The following NR4A1 variants were observed in gnomAD, a reference collection of about 807,000 sequenced individuals.
The protein encoded by NR4A1 is nuclear receptor subfamily 4immunitygroup A member 1.
A neutral mutation model predicts 47.5 loss-of-function variants in NR4A1; 24 were observed. The ratio of observed to expected loss-of-function variants is 0.50; its 90% CI spans 0.37 to 0.71. The LOEUF (loss-of-function observed/expected upper bound fraction) is 0.71. Ranked by LOEUF, NR4A1 falls within the 30% of genes least tolerant of loss-of-function variation. The pLI is 0.00. For missense variants in NR4A1, 669 were observed against 788.6 expected (o/e 0.85, Z 1.82); for synonymous variants, 353 against 345.7 (o/e 1.02, Z -0.24).
chr12:52,025,123 AACCCCGGCTCACTGC>A (rs962747096), intron 1 of NR4A1, among the ~76,000 whole-genome samples: 3 of 148,960 alleles, frequency 2.0e-5, no homozygotes, highest in African/African-American at 7.5e-5. Flanking sequence ...GCAATGGCAC[AACCCCGGCTCACTGC>A]ACCCTCCGTC....
chr12:52,056,672 G>A, intron 4 of NR4A1, 27 bp downstream of exon 4: 2 of 1,546,668 alleles, frequency 1.3e-6, no homozygotes, highest in South Asian at 2.5e-5. Flanking sequence ...TGTCTGCCTT[G>A]GGGAGGTCTA....
At chr12:52,050,319 G>A (rs943049017), upstream of NR4A1, among the ~76,000 whole-genome samples, 1 of 152,182 alleles carries the variant, frequency 6.6e-6, no homozygotes, top group Admixed American at 6.5e-5. Flanking sequence ...TGGGAGGGCC[G>A]GTGCTCCCTG....
At chr12:52,043,296 G>T in intron 2 of NR4A1, 1 of 159,242 alleles carries the variant, frequency 6.3e-6, no homozygotes, top group Non-Finnish European at 1.4e-5. Context: ...CCCTCAACTC[G>T]GCCCCTACAT....
At chr12:52,046,677 C>T (rs949627969), upstream of NR4A1, among the ~76,000 whole-genome samples, 2 of 152,148 alleles carry the variant, frequency 1.3e-5, no homozygotes, top group African/African-American at 4.8e-5. Context: ...CTCATTCAGG[C>T]GTGGCTATTT....
At chr12:52,044,363 C>T (rs184721066) in intron 2 of NR4A1, among the ~76,000 whole-genome samples, 166 of 152,298 alleles carry the variant, frequency 1.1e-3, no homozygotes, top group Non-Finnish European at 1.9e-3. Context: ...CCCCGCTTGC[C>T]GGGCCCTTGC....
chr12:52,047,802 C>G (rs964662913), upstream of NR4A1, among the ~76,000 whole-genome samples: 3 of 152,240 alleles, frequency 2.0e-5, no homozygotes, highest in African/African-American at 7.2e-5. Context: ...TTACAAATGC[C>G]AAGTTGTGAG....
At chr12:52,058,415 G>T in intron 6 of NR4A1, 2 of 486,440 alleles carry the variant, frequency 4.1e-6, no homozygotes, top group Non-Finnish European at 3.6e-6. Context: ...GCCAGAAAAC[G>T]TAGGTTAGGA....
chr12:52,036,090 CCA>C (rs1938229844), intron 1 of NR4A1, among the ~76,000 whole-genome samples: 1 of 152,172 alleles, frequency 6.6e-6, no homozygotes, highest in Admixed American at 6.5e-5. Context: ...ATGGTAACCC[CCA>C]ACCCCACCCA....
At chr12:52,058,420 T>G in intron 6 of NR4A1, 1 of 494,872 alleles carries the variant, frequency 2.0e-6, no homozygotes, top group Non-Finnish European at 3.5e-6. Context: ...AAAACGTAGG[T>G]TAGGATTTTA....
chr12:52,051,113 G>C (rs924629902), upstream of NR4A1, among the ~76,000 whole-genome samples: 1 of 152,226 alleles, frequency 6.6e-6, no homozygotes, highest in African/African-American at 2.4e-5. Context: ...ACCCGAGTCC[G>C]GTGCGGGGAG....
intron 3 of NR4A1, 35 bp downstream of exon 3, chr12:52,056,194 G>A (rs1484400165): frequency 1.3e-6 from 2 of 1,557,388 alleles, no homozygotes; most frequent in Non-Finnish European, 1.7e-6. Flanking sequence ...CGGGGCAAGG[G>A]TAGGCTTGAG....
chr12:52,030,640 T>C (rs1246760223), intron 1 of NR4A1, among the ~76,000 whole-genome samples: 1 of 152,048 alleles, frequency 6.6e-6, no homozygotes, highest in Non-Finnish European at 1.5e-5. Flanking sequence ...TGTTGGCCAG[T>C]CTGGTCTCGA....
At chr12:52,052,461 C>T in intron 1 of NR4A1, 3 of 985,270 alleles carry the variant, frequency 3.0e-6, no homozygotes, top group African/African-American at 1.7e-5. Context: ...CATCCCTATG[C>T]CCCCTCCCCC....
At chr12:52,037,627 G>A (rs537508752) in intron 1 of NR4A1, 3 of 985,494 alleles carry the variant, frequency 3.0e-6, no homozygotes, top group East Asian at 2.3e-4. Context: ...AAGGGCGACG[G>A]CCAAGGCTTT....
chr12:52,032,732 C>T (rs1938153388), intron 1 of NR4A1, among the ~76,000 whole-genome samples: 1 of 152,168 alleles, frequency 6.6e-6, no homozygotes, highest in South Asian at 2.1e-4. Context: ...CCCTGCTCTC[C>T]AAGTTGACCT....
intron 1 of NR4A1, among the ~76,000 whole-genome samples, chr12:52,052,252 G>A (rs1463445241): frequency 2.7e-5 from 4 of 147,502 alleles, no homozygotes; most frequent in Non-Finnish European, 4.5e-5. Context: ...AATTGATTTC[G>A]CTGGGGCTTG....
chr12:52,057,631 TA>T, intron 6 of NR4A1, 101 bp downstream of exon 6: 1 of 1,385,592 alleles, frequency 7.2e-7, no homozygotes, highest in Non-Finnish European at 9.9e-7. Context: ...GGCCGGGATC[TA>T]GCACTTTCTG....
chr12:52,052,478 C>G, intron 1 of NR4A1: 3 of 985,634 alleles, frequency 3.0e-6, no homozygotes, highest in Non-Finnish European at 3.6e-6. Context: ...CCCCAGTAGT[C>G]TCTGTTGGAT....
intron 1 of NR4A1, among the ~76,000 whole-genome samples, chr12:52,028,706 C>T (rs1488167781): frequency 6.6e-6 from 1 of 151,916 alleles, no homozygotes. Flanking sequence ...GAGTTCAAGA[C>T]CAGCCTGGCC....
Sources: allele counts gnomAD v4.1 joint callset (sites outside exome capture counted in the v4.1 genomes callset), GRCh38; gene constraint gnomAD v4.1.1; transcripts MANE v1.5; gene names NCBI Gene and HGNC (gene_info 2026-07-23, HGNC 2026-07-21).